SLC15A2: variants seen among roughly 807,000 people sequenced by gnomAD.
SLC15A2 encodes solute carrier family 15 member 2.
SLC15A2 carries 77 observed loss-of-function variants against 95.5 expected under a neutral mutation model. That is an observed-to-expected ratio of 0.81 (90% CI 0.67 to 0.97). The LOEUF (loss-of-function observed/expected upper bound fraction) is 0.97, where lower values mean the gene tolerates loss of function less well. SLC15A2 is among the 50% of genes least tolerant of loss of function. SLC15A2 has a pLI of 0.00. For missense variants in SLC15A2, 893 were observed against 874.4 expected (o/e 1.02, Z -0.27); for synonymous variants, 306 against 306.9 (o/e 1.00, Z 0.03).
At position 121,911,571 on chromosome 3, in the gene SLC15A2, C is replaced by T. The variant is rs949239057; in HGVS notation, c.336-3C>T. On this transcript the variant is annotated splice_region_variant and splice_polypyrimidine_tract_variant and intron_variant, in intron 3 of 21. Transcript: ENST00000489711. ...AGACTGACTGATTTAGCTCTCTCAA[C>T]AGGACAATCATCTATCTCTCCTTGG... The T allele has an allele frequency of 6.2e-7, 1 of 1,610,600 alleles. No individual in the cohort carries two copies. The highest frequency in any genetic ancestry group is 8.5e-7 in the Non-Finnish European group (1 of 1,176,784).
At chr3:121,929,647 T>C (rs956766661) in intron 17 of SLC15A2, among the ~76,000 whole-genome samples, 10 of 152,210 alleles carry the variant, frequency 6.6e-5, no homozygotes, top group African/African-American at 2.4e-4. Context: ...CTTTTCTCTC[T>C]GTGATCGCCA....
At chr3:121,939,538 G>C in intron 20 of SLC15A2, 43 bp downstream of exon 20, 1 of 1,445,270 alleles carries the variant, frequency 6.9e-7, no homozygotes, top group East Asian at 2.5e-5. Flanking sequence ...GGCATTGCTT[G>C]AAGGACAATG....
At chr3:121,930,741 C>A in intron 17 of SLC15A2, 99 bp from the exon 18 acceptor site, 1 of 675,072 alleles carries the variant, frequency 1.5e-6, no homozygotes. Context: ...GGCACCTGGG[C>A]ACTGGGGATA....
chr3:121,915,206 G>T (rs775929799), intron 5 of SLC15A2, 21 bp from the exon 6 acceptor site: 8 of 1,583,962 alleles, frequency 5.1e-6, no homozygotes, highest in African/African-American at 1.3e-5. Flanking sequence ...TTGCACTGAT[G>T]ATTTATCCTG....
intron 3 of SLC15A2, among the ~76,000 whole-genome samples, chr3:121,906,611 C>T (rs1233577338): frequency 6.6e-6 from 1 of 152,144 alleles, no homozygotes; most frequent in African/African-American, 2.4e-5. Context: ...TTCTCCTTCA[C>T]TTATGAAGCT....
At position 121,938,309 on chromosome 3, in the gene SLC15A2, G is replaced by A. The variant is rs1029736277; in HGVS notation, c.1762-1040G>A. On this transcript the variant is annotated intron_variant, in intron 19 of 21. Transcript: ENST00000489711. ...GGGCTCCACCCAGTTGGAGCTTCTC[G>A]GCTGCTTTGTTTACCTAAGCAAGCC... Among the ~76,000 whole-genome samples the A allele has an allele frequency of 4.6e-5, 7 of 152,354 alleles. No homozygotes were observed. In the East Asian group the frequency reaches 9.6e-4, roughly 21 times the overall value.
intron 3 of SLC15A2, among the ~76,000 whole-genome samples, chr3:121,899,036 A>G (rs1005412107): frequency 2.0e-5 from 3 of 152,194 alleles, no homozygotes; most frequent in Non-Finnish European, 4.4e-5. Context: ...TACTTGCAGA[A>G]TAAAAAGTGC....
Position 121,904,745 on chromosome 3 carries a change from C to T in SLC15A2, c.336-6829C>T, listed in dbSNP as rs187326012. 3.1e-4 allele frequency among the ~76,000 whole-genome samples: 47 copies of T among 152,274 alleles called. 1 individual carries two copies. The highest frequency in any genetic ancestry group is 1.2e-3 in the East Asian group (6 of 5,182). ...AACCTTTCTGATGTGCTGCTGGATT[C>T]GGTTTGCCAGTATTTTATTGAGGAT... On this transcript the variant is annotated intron_variant, in intron 3 of 21. Coordinates refer to ENST00000489711, the MANE Select transcript of SLC15A2 (RefSeq NM_021082.4).
Position 121,898,481 on chromosome 3 carries a change from C to T in SLC15A2, c.335+952C>T, listed in dbSNP as rs185137073. On this transcript the variant is annotated intron_variant, in intron 3 of 21. Transcript: ENST00000489711. ...TAAACTGATAAGCTTAGAAATGGAT[C>T]GTGGTTATCCCCTGCCCAATTATTT... Among the ~76,000 whole-genome samples the T allele has an allele frequency of 7.8e-4, 119 of 152,236 alleles. 1 individual carries two copies. In the East Asian group the frequency reaches 0.02, roughly 26 times the overall value.
intron 20 of SLC15A2, 65 bp downstream of exon 20, chr3:121,939,560 T>A: frequency 1.5e-6 from 2 of 1,355,756 alleles, no homozygotes; most frequent in Non-Finnish European, 2.0e-6. Flanking sequence ...ATTTTAATTC[T>A]AGCACTGACT....
intron 15 of SLC15A2, 115 bp downstream of exon 15, chr3:121,928,670 A>T (rs1177669868): frequency 1.6e-6 from 2 of 1,222,768 alleles, no homozygotes; most frequent in Non-Finnish European, 2.3e-6. Context: ...ATCTTTGAGC[A>T]CATGATTTTA....
intron 14 of SLC15A2, 152 bp from the exon 15 acceptor site, chr3:121,928,269 T>G (rs1170576888): frequency 1.1e-6 from 1 of 902,680 alleles, no homozygotes; most frequent in Non-Finnish European, 1.7e-6. Context: ...CAAGCTGCCT[T>G]TAGAGTTTTC....
chr3:121,939,858 A>G (rs950597233), intron 20 of SLC15A2, among the ~76,000 whole-genome samples: 2 of 152,016 alleles, frequency 1.3e-5, no homozygotes, highest in African/African-American at 4.8e-5. Context: ...AGCTCACTGC[A>G]TTCCAGCCTG....
Position 121,925,021 on chromosome 3 carries a change from G to T in SLC15A2, c.1112G>T (p.Gly371Val). 6.2e-7 allele frequency: 1 copy of T among 1,610,626 alleles called. No individual in the cohort carries two copies. The highest frequency in any genetic ancestry group is 2.2e-5 in the East Asian group (1 of 44,832). Residue 371 changes from glycine to valine, a missense_variant, in exon 13 of 22, where the codon GGA becomes GTA. Gly to Val is a moderately radical substitution (Grantham distance 109). Transcript: ENST00000489711. ...FVIYRLVSKC[G>V]INFSSLRKMA... ...ATTTATCGTCTGGTCTCCAAGTGTG[G>T]AATTAACTTCTCGTAAGTGTTCACT... is the stretch of plus-strand genomic sequence containing the variant.
chr3:121,897,243 C>T, intron 2 of SLC15A2, 145 bp from the exon 3 acceptor site: 2 of 857,840 alleles, frequency 2.3e-6, no homozygotes, highest in Non-Finnish European at 3.6e-6. Flanking sequence ...GCCTGGCAGT[C>T]ACTTCTCAGT....
At chr3:121,937,058 A>G (rs1324574447) in intron 19 of SLC15A2, among the ~76,000 whole-genome samples, 2 of 147,532 alleles carry the variant, frequency 1.4e-5, no homozygotes, top group African/African-American at 5.0e-5. Context: ...TTCTGGGTTG[A>G]AAATTCTTTT....
chr3:121,904,461 C>T (rs1413415518), intron 3 of SLC15A2, among the ~76,000 whole-genome samples: 1 of 152,188 alleles, frequency 6.6e-6, no homozygotes, highest in Non-Finnish European at 1.5e-5. Flanking sequence ...AGTTCTTGCC[C>T]ATTCAGTATG....
At chr3:121,932,236 T>C (rs1193750938) in intron 19 of SLC15A2, among the ~76,000 whole-genome samples, 4 of 152,254 alleles carry the variant, frequency 2.6e-5, no homozygotes, top group South Asian at 2.1e-4. Context: ...ACTGTCTCTG[T>C]AGGGGTTGTT....
chr3:121,934,920 T>G (rs1175151887), intron 19 of SLC15A2, among the ~76,000 whole-genome samples: 1 of 152,062 alleles, frequency 6.6e-6, no homozygotes, highest in Non-Finnish European at 1.5e-5. Flanking sequence ...TAGCTCTTAT[T>G]ATTTTGAAAT....
Sources: gnomAD v4.1 joint callset for allele counts (sites outside exome capture counted in the v4.1 genomes callset) on GRCh38, gnomAD v4.1.1 for gene constraint, MANE v1.5 for transcripts, NCBI Gene and HGNC (gene_info 2026-07-23, HGNC 2026-07-21) for gene names.